Variants in ZNF334 observed in about 807,000 individuals in gnomAD.
ZNF334 encodes zinc finger protein 334.
A neutral mutation model predicts 12.4 loss-of-function variants in ZNF334; 14 were observed. That is an observed-to-expected ratio of 1.13 (90% CI 0.74 to 1.76). ZNF334 has a LOEUF of 1.76. Among genes scored for constraint, ZNF334 ranks in the 40% most tolerant of loss-of-function variants. ZNF334 has a pLI of 0.00. For synonymous variants in ZNF334, 273 were observed against 269.6 expected, an observed-to-expected ratio of 1.01 and a Z score of -0.12; for missense variants, 797 against 804.5, an observed-to-expected ratio of 0.99 and a Z score of 0.11.
chr20:46,487,057 A>G, the ZNF334 span, among the ~76,000 whole-genome samples: 3 of 152,026 alleles, frequency 2.0e-5, no homozygotes, highest in African/African-American at 7.3e-5. Flanking sequence ...TACTCCTGTC[A>G]ATCTGTCATT....
chr20:46,477,432 G>A, the ZNF334 span, among the ~76,000 whole-genome samples: 2 of 152,024 alleles, frequency 1.3e-5, no homozygotes, highest in African/African-American at 2.4e-5. Context: ...TCAAATGGTG[G>A]GGCTCAAGTG....
rs370300845 is a variant in ZNF334, at chr20:46,512,113, G to A, written c.-11C>T. ...TTTTTTCATTTTCATGTTCTCTTGAGAAAGGGCCAAGAGTGTTGAAAGCAG... is the reference window on the plus strand; with the variant it reads ...TTTTTTCATTTTCATGTTCTCTTGAAAAAGGGCCAAGAGTGTTGAAAGCAG... On this transcript the variant is annotated 5_prime_UTR_variant, in exon 2 of 5. Coordinates refer to ENST00000692313, the MANE Select transcript of ZNF334 (RefSeq NM_001353824.2). 117 of 1,613,628 alleles carry A rather than the reference G, an allele frequency of 7.3e-5. 1 individual carries two copies. The highest frequency in any genetic ancestry group is 9.5e-5 in the Non-Finnish European group (112 of 1,179,738).
At position 46,513,171 on chromosome 20, in the gene ZNF334, TCAG is replaced by T. The variant is rs1430342560; in HGVS notation, c.-673_-671del. The T allele has an allele frequency of 6.6e-6, 1 of 152,248 alleles. No individual in the cohort carries two copies. Among genetic ancestry groups the T allele is most frequent in the African/African-American group, 2.4e-5 (1 of 41,452 alleles). The allele number at this position is 152,248 out of a possible 1,614,324, so 9.4% of individuals were successfully genotyped here. On this transcript the variant is annotated 5_prime_UTR_variant, in exon 1 of 5. Transcript: ENST00000692313. ...ATCAATGGCTGCAAGACTAAGTGCA[TCAG>T]CAGAAGTTCTGGAAAGAGGTTCTAG... is the stretch of plus-strand genomic sequence containing the variant.
chr20:46,505,732 A>G (rs1000037451), intron 2 of ZNF334: 1 of 153,774 alleles, frequency 6.5e-6, no homozygotes, highest in East Asian at 1.9e-4. Flanking sequence ...ATGTCACAAC[A>G]GCTGTGCCAA....
the ZNF334 span, among the ~76,000 whole-genome samples, chr20:46,477,640 A>G: frequency 9.8e-5 from 15 of 152,324 alleles, no homozygotes; most frequent in Middle Eastern, 6.8e-3. Flanking sequence ...GCTGGCCGAG[A>G]GCCTGGTCTT....
the ZNF334 span, among the ~76,000 whole-genome samples, chr20:46,468,027 A>G: frequency 6.6e-6 from 1 of 152,196 alleles, no homozygotes; most frequent in Non-Finnish European, 1.5e-5. Flanking sequence ...CTCCTCACAA[A>G]TTTTGGAAAC....
the ZNF334 span, among the ~76,000 whole-genome samples, chr20:46,462,921 A>G: frequency 6.6e-6 from 1 of 152,036 alleles, no homozygotes; most frequent in African/African-American, 2.4e-5. Flanking sequence ...TCTATCTTTT[A>G]TTTACATTCT....
chr20:46,475,742 CA>C, the ZNF334 span, among the ~76,000 whole-genome samples: 1 of 152,212 alleles, frequency 6.6e-6, no homozygotes, highest in Non-Finnish European at 1.5e-5. Flanking sequence ...ACATGCCTAT[CA>C]AAATGGCTAA....
chr20:46,496,995 A>G (rs1359803470), downstream of ZNF334, among the ~76,000 whole-genome samples: 4 of 152,338 alleles, frequency 2.6e-5, no homozygotes, highest in Middle Eastern at 3.4e-3. Context: ...GGACAGTCAC[A>G]TAACAGCCTT....
rs756274593 is a variant in ZNF334, at chr20:46,502,363, A to G, written c.976T>C (p.Cys326Arg). 1.9e-6 allele frequency: 3 copies of G among 1,613,922 alleles called. No homozygotes were observed. The highest frequency in any genetic ancestry group is 1.3e-5 in the African/African-American group (1 of 74,920). The change falls in exon 5 of 5, where the codon TGT (cysteine) becomes CGT (arginine). Residue 326 changes from cysteine to arginine, a missense_variant. Cys to Arg is a radical substitution (Grantham distance 180). Transcript: ENST00000692313. ...GACTTCCGAAAAAAGGTCTTTCCAC[A>G]TTCATTACACTCATAGGATTTCTCC... ...GGEKSYECNE[C>R]GKTFFRKSAL... is the part of the protein sequence containing the mutation.
the ZNF334 span, among the ~76,000 whole-genome samples, chr20:46,477,748 T>C: frequency 6.6e-6 from 1 of 152,194 alleles, no homozygotes; most frequent in Non-Finnish European, 1.5e-5. Flanking sequence ...CTCCCTTTTC[T>C]CAACCCCAAA....
At chr20:46,475,754 A>C in the ZNF334 span, among the ~76,000 whole-genome samples, 1 of 152,208 alleles carries the variant, frequency 6.6e-6, no homozygotes, top group African/African-American at 2.4e-5. Flanking sequence ...AAATGGCTAA[A>C]ATAAAAAACA....
chr20:46,465,375 CGAT>C, the ZNF334 span: 1 of 154,562 alleles, frequency 6.5e-6, no homozygotes, highest in African/African-American at 2.4e-5. Flanking sequence ...TCTTTTCTGC[CGAT>C]GATGATATGA....
Position 46,504,753 on chromosome 20 carries a change from GT to G in ZNF334, c.22-14del, listed in dbSNP as rs2061372772. ...ATGAAACTGGTATCTGAAAGAAAAT[GT>G]TTAATCTTGGGTGACCAAAATTGAG... On this transcript the variant is annotated splice_polypyrimidine_tract_variant and intron_variant, in intron 2 of 4. Transcript: ENST00000692313. 6.3e-7 allele frequency: 1 copy of G among 1,592,226 alleles called. No individual in the cohort carries two copies. The highest frequency in any genetic ancestry group is 1.4e-5 in the African/African-American group (1 of 73,814).
chr20:46,475,240 G>GGCTC, the ZNF334 span, among the ~76,000 whole-genome samples: 1 of 152,124 alleles, frequency 6.6e-6, no homozygotes, highest in Non-Finnish European at 1.5e-5. Context: ...AAATGGTGCT[G>GGCTC]GAGCAATTGG....
the ZNF334 span, among the ~76,000 whole-genome samples, chr20:46,470,414 A>G: frequency 6.6e-6 from 1 of 152,170 alleles, no homozygotes; most frequent in Non-Finnish European, 1.5e-5. Context: ...TTTCAGCTGA[A>G]GGAAACTACC....
rs552682495 is a variant in ZNF334, at chr20:46,512,538, A to G, written c.-39+2T>C. 6.4e-6 allele frequency: 1 copy of G among 157,474 alleles called. No individual in the cohort carries two copies. The highest frequency in any genetic ancestry group is 1.4e-5 in the Non-Finnish European group (1 of 71,424). 9.8% of individuals were successfully genotyped at this position (157,474 alleles called of 1,614,324 possible). A position where few individuals can be genotyped will look rare whatever the true frequency, so the allele number is the denominator to read the frequency against. On this transcript the variant is annotated splice_donor_variant, in intron 1 of 4. Coordinates refer to ENST00000692313, the MANE Select transcript of ZNF334 (RefSeq NM_001353824.2). LOFTEE classifies it low-confidence loss of function (5UTR_SPLICE). ...ATAGGAAAATGATATTATGTCACTT[A>G]CCTGTTTTCCTACTAATGTGTTTAG...
the ZNF334 span, among the ~76,000 whole-genome samples, chr20:46,473,337 G>GTA: frequency 6.6e-6 from 1 of 152,040 alleles, no homozygotes; most frequent in African/African-American, 2.4e-5. Context: ...TCCTTGCATT[G>GTA]TATGGTTTCT....
Position 46,502,031 on chromosome 20 carries a change from A to T in ZNF334, c.1308T>A (p.Ser436Arg). Residue 436 changes from serine (S) to arginine (R), a missense_variant, in exon 5 of 5, where the codon AGT becomes AGA. Transcript: ENST00000692313. ...SHTGEKPYEC[S>R]QCGKFLCTKS... ...TCGTACATAAAAATTTTCCACATTG[A>T]CTGCATTCATAGGGCTTCTCTCCTG... is the stretch of plus-strand genomic sequence containing the variant. 6.2e-7 allele frequency: 1 copy of T among 1,614,138 alleles called. No homozygotes were observed. Among genetic ancestry groups the T allele is most frequent in the Non-Finnish European group, 8.5e-7 (1 of 1,180,024 alleles).
Sources: gnomAD v4.1 joint callset for allele counts (sites outside exome capture counted in the v4.1 genomes callset) on GRCh38, gnomAD v4.1.1 for gene constraint, MANE v1.5 for transcripts, NCBI Gene and HGNC (gene_info 2026-07-23, HGNC 2026-07-21) for gene names.